BRINP3: variants seen among roughly 807,000 people sequenced by gnomAD.
BRINP3 encodes BMP/retinoic acid-inducible neural-specific protein 3.
A neutral mutation model predicts 71.0 loss-of-function variants in BRINP3; 19 were observed. That is an observed-to-expected ratio of 0.27 (90% confidence interval 0.19 to 0.39). BRINP3 has a LOEUF of 0.39. Ranked by LOEUF, BRINP3 falls within the 10% of genes least tolerant of loss-of-function variation. The probability of loss-of-function intolerance (pLI) is 1.00; values close to 1 mark genes in which losing one functional copy is unlikely to be tolerated. For missense variants in BRINP3, 959 were observed against 940.8 expected (o/e 1.02, Z -0.25); for synonymous variants, 380 against 337.7 (o/e 1.13, Z -1.37).
chr1:190,115,010 T>A (rs541495700), intron 7 of BRINP3, among the ~76,000 whole-genome samples: 1 of 152,196 alleles, frequency 6.6e-6, no homozygotes, highest in Non-Finnish European at 1.5e-5. Flanking sequence ...CATCCTTCCC[T>A]ACTTTATTTT....
At chr1:190,448,547 T>G (rs1675390287) in intron 2 of BRINP3, among the ~76,000 whole-genome samples, 1 of 151,416 alleles carries the variant, frequency 6.6e-6, no homozygotes, top group Non-Finnish European at 1.5e-5. Flanking sequence ...TTGTGACAGT[T>G]ATGTTTTTTT....
chr1:190,184,269 G>GT (rs777637051), intron 6 of BRINP3, among the ~76,000 whole-genome samples: 9 of 152,084 alleles, frequency 5.9e-5, no homozygotes, highest in Non-Finnish European at 1.3e-4. Context: ...GAGAATGCTT[G>GT]TACACTGTTG....
intron 2 of BRINP3, among the ~76,000 whole-genome samples, chr1:190,421,324 T>TATA (rs1673370418): frequency 7.0e-6 from 1 of 142,788 alleles, no homozygotes; most frequent in South Asian, 2.2e-4. Context: ...TTATTATTAT[T>TATA]ATTGCCAGTT....
intron 7 of BRINP3, among the ~76,000 whole-genome samples, chr1:190,105,132 T>G (rs2102258819): frequency 6.6e-6 from 1 of 152,186 alleles, no homozygotes; most frequent in Middle Eastern, 3.4e-3. Flanking sequence ...CTCTCCAGAC[T>G]CTTGCTCTGG....
chr1:190,448,463 T>TGTGTGTG (rs1553324612), intron 2 of BRINP3, among the ~76,000 whole-genome samples: 3,669 of 125,146 alleles, frequency 0.029, 71 homozygotes, highest in Middle Eastern at 0.047. Context: ...CACTTGGGGT[T>TGTGTGTG]TGTGTGTGTG....
intron 2 of BRINP3, among the ~76,000 whole-genome samples, chr1:190,403,818 C>A (rs1672092186): frequency 1.3e-5 from 2 of 152,230 alleles, no homozygotes; most frequent in African/African-American, 4.8e-5. Context: ...TCACTACACA[C>A]ACACTGATTT....
intron 2 of BRINP3, among the ~76,000 whole-genome samples, chr1:190,419,170 C>T (rs1673195703): frequency 6.6e-6 from 1 of 151,770 alleles, no homozygotes; most frequent in Non-Finnish European, 1.5e-5. Flanking sequence ...GCATTCTTTT[C>T]ATATCAAAAG....
At chr1:190,432,916 T>C (rs1674195115) in intron 2 of BRINP3, among the ~76,000 whole-genome samples, 2 of 152,186 alleles carry the variant, frequency 1.3e-5, no homozygotes, top group South Asian at 4.1e-4. Context: ...ACATAGTCTA[T>C]GTTTGCTTTT....
intron 2 of BRINP3, among the ~76,000 whole-genome samples, chr1:190,379,086 A>G: frequency 6.6e-6 from 1 of 152,230 alleles, no homozygotes; most frequent in Non-Finnish European, 1.5e-5. Context: ...CTCGATAAAA[A>G]TAACTTTAAG....
intron 2 of BRINP3, among the ~76,000 whole-genome samples, chr1:190,427,704 T>G (rs192582420): frequency 6.6e-6 from 1 of 152,016 alleles, no homozygotes; most frequent in Non-Finnish European, 1.5e-5. Flanking sequence ...ATGCCTGGTC[T>G]TCAAAACAGT....
intron 5 of BRINP3, among the ~76,000 whole-genome samples, chr1:190,229,879 G>A (rs1025962203): frequency 1.3e-5 from 2 of 151,666 alleles, no homozygotes; most frequent in African/African-American, 4.8e-5. Flanking sequence ...AAAAGACAAG[G>A]GATGGTATAG....
intron 2 of BRINP3, among the ~76,000 whole-genome samples, chr1:190,304,743 A>G (rs1179108327): frequency 1.3e-5 from 2 of 151,946 alleles, no homozygotes; most frequent in Admixed American, 6.6e-5. Context: ...ACAGACAATA[A>G]AGGCAAATAT....
intron 5 of BRINP3, among the ~76,000 whole-genome samples, chr1:190,226,754 T>G (rs1407377839): frequency 1.3e-5 from 2 of 151,982 alleles, no homozygotes; most frequent in Non-Finnish European, 2.9e-5. Flanking sequence ...TATCATATAA[T>G]GGGTTGTGCC....
intron 2 of BRINP3, among the ~76,000 whole-genome samples, chr1:190,327,390 A>C (rs1666678195): frequency 7.0e-6 from 1 of 142,468 alleles, no homozygotes; most frequent in African/African-American, 2.6e-5. Flanking sequence ...AAAGAAGACC[A>C]ATCTGTCTGC....
intron 7 of BRINP3, among the ~76,000 whole-genome samples, chr1:190,156,720 T>TA (rs537593330): frequency 3.3e-5 from 5 of 151,652 alleles, no homozygotes; most frequent in African/African-American, 7.3e-5. Flanking sequence ...TACGCTAAAT[T>TA]AAAAAAAAGG....
chr1:190,422,050 T>C (rs976695516), intron 2 of BRINP3, among the ~76,000 whole-genome samples: 2 of 151,800 alleles, frequency 1.3e-5, no homozygotes, highest in African/African-American at 4.8e-5. Flanking sequence ...TTTCATCAGA[T>C]GACTGAATTT....
chr1:190,364,532 G>A (rs578242500), intron 2 of BRINP3, among the ~76,000 whole-genome samples: 18 of 152,028 alleles, frequency 1.2e-4, no homozygotes, highest in African/African-American at 4.3e-4. Context: ...AAACAGTCTT[G>A]CCCTATGAAA....
chr1:190,460,764 A>G (rs1246289592), intron 1 of BRINP3, among the ~76,000 whole-genome samples: 1 of 152,170 alleles, frequency 6.6e-6, no homozygotes, highest in Non-Finnish European at 1.5e-5. Context: ...TGGTTTTCTT[A>G]TCTCACTAAA....
intron 6 of BRINP3, among the ~76,000 whole-genome samples, chr1:190,161,226 T>C (rs1407467031): frequency 6.6e-6 from 1 of 152,004 alleles, no homozygotes; most frequent in Non-Finnish European, 1.5e-5. Flanking sequence ...GTAAACTTTC[T>C]TCAATACATA....
Sources: allele counts gnomAD v4.1 joint callset (sites outside exome capture counted in the v4.1 genomes callset), GRCh38; gene constraint gnomAD v4.1.1; transcripts MANE v1.5; gene names NCBI Gene and HGNC (gene_info 2026-07-23, HGNC 2026-07-21).